The following TOPAZ1 variants were observed in gnomAD, a reference collection of about 807,000 sequenced individuals.
TOPAZ1 encodes protein TOPAZ1.
Under a neutral mutation model 172.2 loss-of-function variants are expected in TOPAZ1, and 66 were observed. That is an observed-to-expected ratio of 0.38 (90% CI 0.31 to 0.47). The LOEUF is 0.47. Among genes scored for constraint, TOPAZ1 ranks in the 20% least tolerant of loss-of-function variants. The pLI, the probability that TOPAZ1 is intolerant of heterozygous loss-of-function variation, is 0.99. For synonymous variants in TOPAZ1, 681 were observed against 683.9 expected, an observed-to-expected ratio of 1.00 and a Z score of 0.07; for missense variants, 1,822 against 1,972.4, an observed-to-expected ratio of 0.92 and a Z score of 1.44.
In TOPAZ1 at chr3:44,243,651, GA is replaced by G. The variant is rs1434785682; in HGVS notation, c.1149del (p.Val384Ter). The G allele has an allele frequency of 6.5e-7, 1 of 1,549,946 alleles. No individual in the cohort carries two copies. The highest frequency in any genetic ancestry group is 1.2e-5 in the South Asian group (1 of 84,008). On this transcript the variant is annotated frameshift_variant, in exon 2 of 20. Transcript: ENST00000309765. LOFTEE classifies it high-confidence loss of function. Reference sequence around the variant, plus strand: ...ACTAAAAGTCCTTTAAATGTTTTGAGAAAAGTAAGCCATAATACAGTCTCTT... The same window carrying G: ...ACTAAAAGTCCTTTAAATGTTTTGAGAAAGTAAGCCATAATACAGTCTCTT... ...AETKSPLNVL[R>X]KVSHNTVSLM...
At chr3:44,333,895 G>A (rs1238062029), downstream of TOPAZ1, among the ~76,000 whole-genome samples, 1 of 152,200 alleles carries the variant, frequency 6.6e-6, no homozygotes, top group Non-Finnish European at 1.5e-5. Flanking sequence ...GACTGAGCTC[G>A]CCACAGGAGA....
At chr3:44,250,243 C>CAAAA (rs35079686) in intron 2 of TOPAZ1, among the ~76,000 whole-genome samples, 18 of 110,774 alleles carry the variant, frequency 1.6e-4, no homozygotes, top group Admixed American at 1.3e-3. Flanking sequence ...CATGAAATGA[C>CAAAA]AAAAAAAAAA....
At chr3:44,255,716 CACACAT>C (rs763400788) in intron 3 of TOPAZ1, among the ~76,000 whole-genome samples, 11,130 of 31,586 alleles carry the variant, frequency 0.35, 1,177 homozygotes, top group South Asian at 0.42. Flanking sequence ...CACACACACA[CACACAT>C]ATATATATGG....
downstream of TOPAZ1, among the ~76,000 whole-genome samples, chr3:44,335,641 A>G (rs563698318): frequency 6.6e-5 from 10 of 152,262 alleles, no homozygotes; most frequent in South Asian, 4.1e-4. Context: ...AAAAAATGCT[A>G]TAGGGCACTT....
intron 2 of TOPAZ1, 56 bp downstream of exon 2, chr3:44,245,327 T>G: frequency 1.4e-6 from 2 of 1,448,522 alleles, no homozygotes; most frequent in South Asian, 1.5e-5. Flanking sequence ...AGAAAAGCAG[T>G]CTCTTAAGTT....
chr3:44,245,192 A>C lies in TOPAZ1; in HGVS notation c.2686A>C (p.Asn896His). The C allele has an allele frequency of 4.5e-6, 7 of 1,551,840 alleles. No individual in the cohort carries two copies. The highest frequency in any genetic ancestry group is 6.1e-6 in the Non-Finnish European group (7 of 1,147,024). ...SEVPKISQEP[N>H]VAGEHQSTDS... The stretch of plus-strand genomic sequence containing the variant: ...GGTCCCAAAGATAAGCCAGGAGCCC[A>C]ATGTTGCTGGAGAGCACCAATCAAC... Residue 896 changes from asparagine (N) to histidine (H), a missense_variant, in exon 2 of 20, where the codon AAT (asparagine) becomes CAT (histidine). Asn to His is a moderately conservative substitution (Grantham distance 68). Around this residue, in one of 2 missense-constraint regions of TOPAZ1, gnomAD observed 1,489 missense variants for 1,490.8 expected, o/e 1.00. Transcript: ENST00000309765.
chr3:44,277,572 A>T (rs752288311), intron 8 of TOPAZ1, among the ~76,000 whole-genome samples: 1 of 152,122 alleles, frequency 6.6e-6, no homozygotes, highest in African/African-American at 2.4e-5. Context: ...GTCATTCAGT[A>T]TGATGTTAGC....
intron 18 of TOPAZ1, among the ~76,000 whole-genome samples, chr3:44,325,080 G>T (rs935787656): frequency 6.6e-6 from 1 of 152,158 alleles, no homozygotes; most frequent in African/African-American, 2.4e-5. Flanking sequence ...ACAGCCAAGT[G>T]AGTAATTTAT....
At chr3:44,256,047 C>T (rs767502901) in intron 3 of TOPAZ1, 104 bp from the exon 4 acceptor site, 2 of 824,584 alleles carry the variant, frequency 2.4e-6, no homozygotes, top group Non-Finnish European at 3.6e-6. Context: ...CACATTAGAC[C>T]TTAAAAGAGC....
chr3:44,256,656 G>T (rs1699707143), intron 4 of TOPAZ1, among the ~76,000 whole-genome samples: 1 of 152,134 alleles, frequency 6.6e-6, no homozygotes, highest in African/African-American at 2.4e-5. Flanking sequence ...TGAGGGCCAT[G>T]CTTCCTAGTA....
At chr3:44,327,248 C>G (rs1296914711) in intron 18 of TOPAZ1, among the ~76,000 whole-genome samples, 1 of 152,102 alleles carries the variant, frequency 6.6e-6, no homozygotes, top group Non-Finnish European at 1.5e-5. Context: ...TAGCCATTAC[C>G]CATATTAGAA....
intron 12 of TOPAZ1, among the ~76,000 whole-genome samples, chr3:44,297,761 C>A (rs1025771941): frequency 9.1e-5 from 13 of 142,116 alleles, no homozygotes; most frequent in Non-Finnish European, 1.4e-4. Context: ...AAAAAAAAAA[C>A]ACTCTCCTAG....
chr3:44,278,630 G>A (rs1699989799), intron 8 of TOPAZ1, among the ~76,000 whole-genome samples: 1 of 152,044 alleles, frequency 6.6e-6, no homozygotes, highest in South Asian at 2.1e-4. Context: ...TTCATGTATA[G>A]TTAGTTGTTC....
At chr3:44,324,848 C>G (rs1293032007) in intron 18 of TOPAZ1, among the ~76,000 whole-genome samples, 1 of 152,158 alleles carries the variant, frequency 6.6e-6, no homozygotes, top group Non-Finnish European at 1.5e-5. Flanking sequence ...GTAAGAATTA[C>G]TTTTAAAGAT....
chr3:44,243,181 A>G lies in TOPAZ1; in HGVS notation c.675A>G (p.Lys225=), dbSNP rs754565659. The change falls in exon 2 of 20, where the codon AAA becomes AAG. Residue 225 remains lysine, a synonymous_variant. Transcript: ENST00000309765. ...SPEVENNSVL[K]LRDCNCFPHS... is the part of the protein sequence containing the mutation. The stretch of plus-strand genomic sequence containing the variant: ...AAGTAGAAAATAATTCCGTTTTAAA[A>G]TTACGTGATTGCAATTGTTTCCCCC... 1.9e-5 allele frequency: 30 copies of G among 1,548,960 alleles called. No homozygotes were observed. The highest frequency in any genetic ancestry group is 2.5e-5 in the Non-Finnish European group (29 of 1,146,102).
chr3:44,280,079 G>A (rs1053592438), intron 8 of TOPAZ1, among the ~76,000 whole-genome samples: 1 of 152,060 alleles, frequency 6.6e-6, no homozygotes, highest in African/African-American at 2.4e-5. Flanking sequence ...AACTCCCTCA[G>A]CTTTTGCTTG....
At chr3:44,305,476 TCTC>T (rs1700326354) in intron 14 of TOPAZ1, among the ~76,000 whole-genome samples, 155 bp downstream of exon 14, 1 of 152,116 alleles carries the variant, frequency 6.6e-6, no homozygotes, top group African/African-American at 2.4e-5. Context: ...CTCAAGCACT[TCTC>T]CTGCCTCAGC....
intron 5 of TOPAZ1, among the ~76,000 whole-genome samples, 158 bp downstream of exon 5, chr3:44,262,641 G>A (rs905292246): frequency 1.8e-4 from 28 of 152,262 alleles, no homozygotes; most frequent in Non-Finnish European, 3.4e-4. Flanking sequence ...GTACTCAGGT[G>A]TAAGGGGTAT....
In TOPAZ1 at chr3:44,243,214, G is replaced by C. The variant is rs971197173; in HGVS notation, c.708G>C (p.Lys236Asn). ...ATTGCAATTGTTTCCCCCATTCCAA[G>C]GGTTGTAATGATGAAAACAACCTGC... ...LRDCNCFPHS[K>N]GCNDENNLPY... Residue 236 changes from lysine (K) to asparagine (N), a missense_variant, in exon 2 of 20, where the codon AAG (lysine) becomes AAC (asparagine). By Grantham distance (94) the Lys-to-Asn change is moderately conservative (BLOSUM62 0). Coordinates refer to ENST00000309765, the MANE Select transcript of TOPAZ1 (RefSeq NM_001145030.2). The C allele has an allele frequency of 6.5e-7, 1 of 1,549,278 alleles. No individual in the cohort carries two copies. Among genetic ancestry groups the C allele is most frequent in the African/African-American group, 1.4e-5 (1 of 72,908 alleles).
Sources: gnomAD v4.1 joint callset for allele counts (sites outside exome capture counted in the v4.1 genomes callset) on GRCh38, gnomAD v4.1.1 for gene constraint, gnomAD v4.1.1 regional missense constraint, MANE v1.5 for transcripts, NCBI Gene and HGNC (gene_info 2026-07-23, HGNC 2026-07-21) for gene names.